The following ELMO1 variants were observed in gnomAD, a reference collection of about 807,000 sequenced individuals.
ELMO1 encodes the protein engulfment and cell motility protein 1.
A neutral mutation model predicts 98.9 loss-of-function variants in ELMO1; 26 were observed. The observed-to-expected ratio is 0.26, with a 90% CI of 0.19 to 0.36. The LOEUF (loss-of-function observed/expected upper bound fraction) is 0.36, where lower values mean the gene tolerates loss of function less well. ELMO1 is among the 10% of genes least tolerant of loss of function. The pLI is 1.00. For missense variants in ELMO1, 627 were observed against 935.2 expected, an observed-to-expected ratio of 0.67 and a Z score of 4.30; for synonymous variants, 346 against 346.0, an observed-to-expected ratio of 1.00 and a Z score of 0.00.
At chr7:37,418,571 T>A (rs1222855384) in intron 1 of ELMO1, among the ~76,000 whole-genome samples, 1 of 152,074 alleles carries the variant, frequency 6.6e-6, no homozygotes, top group Non-Finnish European at 1.5e-5. Flanking sequence ...AGAAAGAGCT[T>A]CAGTAGTGGG....
chr7:37,099,390 T>C (rs894237077), intron 14 of ELMO1, among the ~76,000 whole-genome samples: 1 of 152,224 alleles, frequency 6.6e-6, no homozygotes, highest in Non-Finnish European at 1.5e-5. Flanking sequence ...CATTGATACA[T>C]CTACATTCAA....
chr7:37,028,738 A>G (rs1340359209), intron 15 of ELMO1, among the ~76,000 whole-genome samples: 1 of 152,084 alleles, frequency 6.6e-6, no homozygotes, highest in African/African-American at 2.4e-5. Context: ...ATGTGCCACT[A>G]CACCTAGCCG....
Position 37,242,539 on chromosome 7 carries a change from C to T in ELMO1, c.449+1817G>A, listed in dbSNP as rs148303809. Reference sequence around the variant, plus strand: ...TTTATTATATACTGGATATTGTGAACAAAACACTGTCAATATTCAGATATC... The same window carrying T: ...TTTATTATATACTGGATATTGTGAATAAAACACTGTCAATATTCAGATATC... On this transcript the variant is annotated intron_variant, in intron 7 of 21. Coordinates refer to ENST00000310758, the MANE Select transcript of ELMO1 (RefSeq NM_014800.11). Among the ~76,000 whole-genome samples, 133 of 152,192 alleles carry T rather than the reference C, an allele frequency of 8.7e-4. 1 individual carries two copies. Among genetic ancestry groups the T allele is most frequent in the South Asian group, 5.2e-3 (25 of 4,832 alleles).
chr7:37,240,460 A>C (rs1794707753), intron 7 of ELMO1, among the ~76,000 whole-genome samples: 1 of 151,172 alleles, frequency 6.6e-6, no homozygotes, highest in Admixed American at 6.6e-5. Flanking sequence ...ATTTGGCTTT[A>C]ATTTTCTGTA....
At chr7:37,321,857 CTTTTTTT>C (rs869082330) in intron 2 of ELMO1, among the ~76,000 whole-genome samples, 94 of 137,462 alleles carry the variant, frequency 6.8e-4, no homozygotes, top group Non-Finnish European at 1.3e-3. Context: ...AAGTAACTCC[CTTTTTTT>C]TTTTTTTTTT....
intron 15 of ELMO1, among the ~76,000 whole-genome samples, chr7:37,089,218 T>G (rs929621325): frequency 6.6e-6 from 1 of 152,072 alleles, no homozygotes; most frequent in African/African-American, 2.4e-5. Context: ...AAAGCAGAGG[T>G]GTCTGGGTGA....
intron 4 of ELMO1, among the ~76,000 whole-genome samples, 182 bp downstream of exon 4, chr7:37,314,668 G>A (rs1207318644): frequency 6.6e-6 from 1 of 152,134 alleles, no homozygotes; most frequent in Non-Finnish European, 1.5e-5. Context: ...CTTTACTCTT[G>A]AGCTGGCAAA....
chr7:37,332,399 A>G (rs969486637), intron 2 of ELMO1, among the ~76,000 whole-genome samples: 1 of 152,236 alleles, frequency 6.6e-6, no homozygotes, highest in African/African-American at 2.4e-5. Context: ...CGCTGGGGAC[A>G]TACTTGGCCC....
chr7:37,126,128 C>T (rs960986671), intron 14 of ELMO1, among the ~76,000 whole-genome samples: 2 of 151,620 alleles, frequency 1.3e-5, no homozygotes, highest in East Asian at 1.9e-4. Flanking sequence ...AGGGGGACAT[C>T]ACACACTGGG....
At chr7:37,377,485 C>T (rs1002859085) in intron 1 of ELMO1, among the ~76,000 whole-genome samples, 42 of 152,184 alleles carry the variant, frequency 2.8e-4, no homozygotes, top group African/African-American at 1.0e-3. Flanking sequence ...TGGGGAATAC[C>T]ACCTTTCTGT....
At chr7:36,932,611 G>A (rs1273576049) in intron 16 of ELMO1, among the ~76,000 whole-genome samples, 1 of 152,230 alleles carries the variant, frequency 6.6e-6, no homozygotes, top group African/African-American at 2.4e-5. Context: ...AAGGTTCTAT[G>A]GAGTCTTATG....
intron 19 of ELMO1, among the ~76,000 whole-genome samples, chr7:36,872,511 T>C (rs1448142062): frequency 6.6e-6 from 1 of 152,240 alleles, no homozygotes; most frequent in Non-Finnish European, 1.5e-5. Context: ...CCCTCCTGAC[T>C]GATCTCAGAC....
intron 13 of ELMO1, among the ~76,000 whole-genome samples, chr7:37,156,387 G>C (rs774924005): frequency 2.0e-5 from 3 of 152,138 alleles, no homozygotes; most frequent in Non-Finnish European, 2.9e-5. Context: ...CCAGGAGCTG[G>C]TTTTTTGAAA....
rs373677435 is a variant in ELMO1, at chr7:37,139,512, AGGTG to A, written c.1087-6282_1087-6279del. On this transcript the variant is annotated intron_variant, in intron 13 of 21. Coordinates refer to ENST00000310758, the MANE Select transcript of ELMO1 (RefSeq NM_014800.11). Reference sequence around the variant, plus strand: ...TACTTAAAAATATACCTAACCAGGGAGGTGAAAGACCTCTACAAGGAAAACTACA... The same window carrying A: ...TACTTAAAAATATACCTAACCAGGGAAAAGACCTCTACAAGGAAAACTACA... Among the ~76,000 whole-genome samples the A allele has an allele frequency of 6.5e-4, 99 of 152,286 alleles. No homozygotes were observed. The South Asian group carries it at 0.019, about 30-fold the overall frequency.
At chr7:37,387,528 C>T (rs1802859175) in intron 1 of ELMO1, among the ~76,000 whole-genome samples, 1 of 152,188 alleles carries the variant, frequency 6.6e-6, no homozygotes, top group Non-Finnish European at 1.5e-5. Context: ...CTAATTGCAT[C>T]TAAAACCATC....
chr7:37,054,313 A>G (rs1186281137), intron 15 of ELMO1, among the ~76,000 whole-genome samples: 1 of 152,194 alleles, frequency 6.6e-6, no homozygotes, highest in Non-Finnish European at 1.5e-5. Flanking sequence ...ATCTACTTTT[A>G]AAGACTGTGA....
chr7:37,218,368 CT>C (rs1327640990), intron 10 of ELMO1, among the ~76,000 whole-genome samples: 4 of 152,010 alleles, frequency 2.6e-5, no homozygotes, highest in Non-Finnish European at 5.9e-5. Flanking sequence ...CAGAAACTGT[CT>C]TTTTCTTTTT....
intron 13 of ELMO1, among the ~76,000 whole-genome samples, chr7:37,158,279 A>G (rs1011236677): frequency 6.6e-6 from 1 of 152,218 alleles, no homozygotes; most frequent in African/African-American, 2.4e-5. Context: ...ACCAAAAGCA[A>G]TGGCAACAAA....
At chr7:37,111,277 A>T (rs938339589) in intron 14 of ELMO1, among the ~76,000 whole-genome samples, 1 of 152,204 alleles carries the variant, frequency 6.6e-6, no homozygotes, top group African/African-American at 2.4e-5. Flanking sequence ...CACGTAAGTT[A>T]ACCTCACCCA....
Sources: gnomAD v4.1 joint callset for allele counts (sites outside exome capture counted in the v4.1 genomes callset) on GRCh38, gnomAD v4.1.1 for gene constraint, MANE v1.5 for transcripts, NCBI Gene and HGNC (gene_info 2026-07-23, HGNC 2026-07-21) for gene names.